CSNK1D: variants seen among roughly 807,000 people sequenced by gnomAD.
CSNK1D encodes the protein casein kinase 1 delta, also known as casein kinase I isoform delta.
CSNK1D carries 16 observed loss-of-function variants against 46.6 expected under a neutral mutation model. The observed-to-expected ratio is 0.34, with a 90% CI of 0.23 to 0.52. The LOEUF (loss-of-function observed/expected upper bound fraction) is 0.52. Among genes scored for constraint, CSNK1D ranks in the 20% least tolerant of loss-of-function variants. The pLI, the probability that CSNK1D is intolerant of heterozygous loss-of-function variation, is 0.95. For missense variants in CSNK1D, 398 were observed against 578.4 expected (o/e 0.69, Z 3.20); for synonymous variants, 276 against 228.2 (o/e 1.21, Z -1.89).
At position 82,248,948 on chromosome 17, in the gene CSNK1D, C is replaced by A; in HGVS notation, c.1124G>T (p.Arg375Leu). The part of the protein sequence containing the change: ...RERKVSMRLH[R>L]GAPVNISSSD... ...CGAGGAGATGTTGACGGGGGCCCCG[C>A]GGTGCAGCCGCATACTCACTTTCCG... The change falls in exon 8 of 9, where the codon CGC becomes CTC. Residue 375 changes from arginine (R) to leucine (L), a missense_variant. Physicochemically the swap from Arg to Leu is moderately radical, Grantham distance 102. This residue lies in a region of CSNK1D where 181 missense variants were observed against 208.0 expected (regional missense o/e 0.87). Transcript: ENST00000314028. This position sits in a 1 kb window ranked among gnomAD's most constrained non-coding sequence, Gnocchi z 4.1. 1 of 1,598,042 alleles carries A rather than the reference C, an allele frequency of 6.3e-7. No homozygotes were observed. The highest frequency in any genetic ancestry group is 8.5e-7 in the Non-Finnish European group (1 of 1,171,400).
In CSNK1D at chr17:82,252,392, C is replaced by A; in HGVS notation, c.736+42G>T. ...CGGCACACCCGACACATATGCAACC[C>A]CTGTGAGCAGCTCCGCTGAGAAGAG... is the stretch of plus-strand genomic sequence containing the variant. On this transcript the variant is annotated intron_variant, in intron 5 of 8. Transcript: ENST00000314028. The surrounding 1 kb of genome is among the most constrained non-coding windows in gnomAD (Gnocchi z 4.6). 3 of 1,611,274 alleles carry A rather than the reference C, an allele frequency of 1.9e-6. No individual in the cohort carries two copies. The highest frequency in any genetic ancestry group is 2.5e-6 in the Non-Finnish European group (3 of 1,177,658).
At position 82,249,815 on chromosome 17, in the gene CSNK1D, C is replaced by T; in HGVS notation, c.886-213G>A. 1 of 1,434,814 alleles carries T rather than the reference C, an allele frequency of 7.0e-7. No homozygotes were observed. Among genetic ancestry groups the T allele is most frequent in the Non-Finnish European group, 9.1e-7 (1 of 1,099,384 alleles). 88.9% of individuals were successfully genotyped at this position (1,434,814 alleles called of 1,614,324 possible). ...GAGCCAGGCCTCTCAGCTCCCCCAA[C>T]AATCGAAAAAACCCCACTCGCCATG... On this transcript the variant is annotated intron_variant, in intron 6 of 8. Coordinates refer to ENST00000314028, the MANE Select transcript of CSNK1D (RefSeq NM_001893.6). The surrounding 1 kb of genome is among the most constrained non-coding windows in gnomAD (Gnocchi z 6.7).
In CSNK1D at chr17:82,261,443, TGAAGACATGC is replaced by T. The variant is rs755272095; in HGVS notation, c.187+4233_187+4242del. Among the ~76,000 whole-genome samples, 796 of 152,252 alleles carry T rather than the reference TGAAGACATGC, an allele frequency of 5.2e-3. 3 individuals are homozygous for T. Among genetic ancestry groups the T allele is most frequent in the Middle Eastern group, 0.01 (3 of 294 alleles). On this transcript the variant is annotated intron_variant, in intron 2 of 8. Transcript: ENST00000314028. ...AATCGGGTGGACAAGGCCAGATACATGAAGACATGCTCCACTCTCATCTGTGAAAAGTTTC... is the reference window on the plus strand; with the variant it reads ...AATCGGGTGGACAAGGCCAGATACATTCCACTCTCATCTGTGAAAAGTTTC...
intron 2 of CSNK1D, among the ~76,000 whole-genome samples, chr17:82,259,179 CT>C (rs1298145426): frequency 6.6e-6 from 1 of 152,234 alleles, no homozygotes; most frequent in Non-Finnish European, 1.5e-5. Flanking sequence ...CAGATCTTAT[CT>C]GTCTTAAAAT....
Position 82,244,554 on chromosome 17 carries a change from A to G in CSNK1D, c.*227T>C. ...CTCTGCTTTTCTTCCCAGCCCCGTT[A>G]CAACCGAGTTCACGTGGGGGGCCGC... is the stretch of plus-strand genomic sequence containing the variant. On this transcript the variant is annotated 3_prime_UTR_variant, in exon 9 of 9. Coordinates refer to ENST00000314028, the MANE Select transcript of CSNK1D (RefSeq NM_001893.6). The G allele has an allele frequency of 6.8e-7, 1 of 1,476,148 alleles. No individual in the cohort carries two copies. The highest frequency in any genetic ancestry group is 9.0e-7 in the Non-Finnish European group (1 of 1,114,298). The allele number at this position is 1,476,148 out of a possible 1,614,324, so 91.4% of individuals were successfully genotyped here.
rs1360091604 is a variant in CSNK1D, at chr17:82,253,868, G to A, written c.337-624C>T. On this transcript the variant is annotated intron_variant, in intron 3 of 8. Transcript: ENST00000314028. Reference sequence around the variant, plus strand: ...CCTCGAGAAGCCAGTCAGCTGAGCCGCCGGAGCCTCGTGAAGCCAGTGAGC... The same window carrying A: ...CCTCGAGAAGCCAGTCAGCTGAGCCACCGGAGCCTCGTGAAGCCAGTGAGC... The A allele has an allele frequency of 6.4e-5, 16 of 250,930 alleles. No individual in the cohort carries two copies. In the East Asian group the frequency reaches 1.5e-3, roughly 23 times the overall value. 15.5% of individuals were successfully genotyped at this position (250,930 alleles called of 1,614,324 possible).
chr17:82,269,433 G>A (rs1375501016), intron 1 of CSNK1D, among the ~76,000 whole-genome samples: 2 of 152,188 alleles, frequency 1.3e-5, no homozygotes, highest in African/African-American at 2.4e-5. Flanking sequence ...TCTCATGGCT[G>A]GTCAGCATCT....
At chr17:82,266,250 AC>A (rs1398176122) in intron 1 of CSNK1D, among the ~76,000 whole-genome samples, 1 of 152,058 alleles carries the variant, frequency 6.6e-6, no homozygotes, top group Non-Finnish European at 1.5e-5. Flanking sequence ...CTAGGTTTTT[AC>A]CCAATAGCCA....
chr17:82,247,841 G>A (rs886119971), intron 8 of CSNK1D: 2 of 985,294 alleles, frequency 2.0e-6, no homozygotes, highest in Non-Finnish European at 2.4e-6. Flanking sequence ...TTGGGAAGAA[G>A]TTATACAAAA....
rs1166859489 is a variant in CSNK1D at position 82,249,971 on chromosome 17, C to T, written c.886-369G>A. ...GACAGGAACCATCGGAGGCCAAAGA[C>T]AGGCCCCAAATGGTGACAGCTGGGG... On this transcript the variant is annotated intron_variant, in intron 6 of 8. Coordinates refer to ENST00000314028, the MANE Select transcript of CSNK1D (RefSeq NM_001893.6). This position sits in a 1 kb window ranked among gnomAD's most constrained non-coding sequence, Gnocchi z 6.7. 5.6e-6 allele frequency: 7 copies of T among 1,240,478 alleles called. No homozygotes were observed. The highest frequency in any genetic ancestry group is 3.1e-5 in the African/African-American group (2 of 64,420). 76.8% of individuals were successfully genotyped at this position (1,240,478 alleles called of 1,614,324 possible).
At chr17:82,258,522 T>C (rs915505793) in intron 2 of CSNK1D, among the ~76,000 whole-genome samples, 17 of 152,122 alleles carry the variant, frequency 1.1e-4, no homozygotes, top group African/African-American at 4.1e-4. Flanking sequence ...CTCAACCTTA[T>C]TACGGATTTG....
chr17:82,250,322 GAC>G lies in CSNK1D; in HGVS notation c.886-722_886-721del. ...ACGTTCACCAGGCAACACACAGACC[GAC>G]ACACCTGCGGCTGCAGCACCGTGCG... On this transcript the variant is annotated intron_variant, in intron 6 of 8. Coordinates refer to ENST00000314028, the MANE Select transcript of CSNK1D (RefSeq NM_001893.6). This position sits in a 1 kb window ranked among gnomAD's most constrained non-coding sequence, Gnocchi z 4.6. 1.5e-6 allele frequency: 1 copy of G among 680,088 alleles called. No individual in the cohort carries two copies. Among genetic ancestry groups the G allele is most frequent in the Non-Finnish European group, 2.3e-6 (1 of 443,548 alleles). The allele number at this position is 680,088 out of a possible 1,614,324, so 42.1% of individuals were successfully genotyped here.
At position 82,243,682 on chromosome 17, in the gene CSNK1D, G is replaced by A; in HGVS notation, c.*1099C>T. ...CTGGCCTGCCGGCTTTTCTGAGCTA[G>A]TCTTGGCACGTGGCAAGGACAGCCC... On this transcript the variant is annotated 3_prime_UTR_variant, in exon 9 of 9. Transcript: ENST00000314028. 1.0e-6 allele frequency: 1 copy of A among 985,488 alleles called. No homozygotes were observed. 61.0% of individuals were successfully genotyped at this position (985,488 alleles called of 1,614,324 possible). A position where few individuals can be genotyped will look rare whatever the true frequency, so the allele number is the denominator to read the frequency against.
chr17:82,241,871 G>C (rs547331402), downstream of CSNK1D, among the ~76,000 whole-genome samples: 1 of 152,242 alleles, frequency 6.6e-6, no homozygotes, highest in African/African-American at 2.4e-5. Flanking sequence ...GTGCATCACA[G>C]GCAGAGTTGG....
In CSNK1D at chr17:82,248,912, G is replaced by A; in HGVS notation, c.1160C>T (p.Thr387Ile). The A allele has an allele frequency of 6.2e-7, 1 of 1,609,862 alleles. No homozygotes were observed. Residue 387 changes from threonine (T) to isoleucine (I), a missense_variant, in exon 8 of 9, where the codon ACA (threonine) becomes ATA (isoleucine). Around this residue, in one of 2 missense-constraint regions of CSNK1D, gnomAD observed 181 missense variants for 208.0 expected, o/e 0.87. Coordinates refer to ENST00000314028, the MANE Select transcript of CSNK1D (RefSeq NM_001893.6). The surrounding 1 kb of genome is among the most constrained non-coding windows in gnomAD (Gnocchi z 4.1). The stretch of plus-strand genomic sequence containing the variant: ...CATGCGAGAGGTATCTTGTCGGCCT[G>A]TGAGGTCGGACGAGGAGATGTTGAC... ...APVNISSSDL[T>I]GRQDTSRMST...
In CSNK1D at chr17:82,273,671, T is replaced by C. The variant is rs897760140; in HGVS notation, c.-290A>G. The C allele has an allele frequency of 3.9e-6, 2 of 512,572 alleles. No individual in the cohort carries two copies. Among genetic ancestry groups the C allele is most frequent in the Admixed American group, 4.1e-5 (1 of 24,646 alleles). The allele number at this position is 512,572 out of a possible 1,614,324, so 31.8% of individuals were successfully genotyped here. A position where few individuals can be genotyped will look rare whatever the true frequency, so the allele number is the denominator to read the frequency against. On this transcript the variant is annotated 5_prime_UTR_variant, in exon 1 of 9. Coordinates refer to ENST00000314028, the MANE Select transcript of CSNK1D (RefSeq NM_001893.6). This position sits in a 1 kb window ranked among gnomAD's most constrained non-coding sequence, Gnocchi z 5.1. ...TTCCGGGCCTAAATCCCCTTTCAGC[T>C]GCCTAAAGGAGCCGCCGCCATCGCG...
In CSNK1D at chr17:82,250,129, T is replaced by A. The variant is rs1369666018; in HGVS notation, c.886-527A>T. Reference sequence around the variant, plus strand: ...GCCGGCAGCCGGATCTGTGCTGCACTATCCAGATGCACGGGGGTGGGGAGG... The same window carrying A: ...GCCGGCAGCCGGATCTGTGCTGCACAATCCAGATGCACGGGGGTGGGGAGG... On this transcript the variant is annotated intron_variant, in intron 6 of 8. Transcript: ENST00000314028. The surrounding 1 kb of genome is among the most constrained non-coding windows in gnomAD (Gnocchi z 4.6). The A allele has an allele frequency of 1.5e-6, 2 of 1,290,526 alleles. No homozygotes were observed. Among genetic ancestry groups the A allele is most frequent in the African/African-American group, 3.0e-5 (2 of 66,006 alleles). The allele number at this position is 1,290,526 out of a possible 1,614,324, so 79.9% of individuals were successfully genotyped here.
intron 1 of CSNK1D, among the ~76,000 whole-genome samples, chr17:82,269,470 C>T: frequency 6.6e-6 from 1 of 152,190 alleles, no homozygotes; most frequent in East Asian, 1.9e-4. Flanking sequence ...ACCAGGCACC[C>T]TGCAGGCTGC....
chr17:82,273,503 C>CCGCTTTCACCAT lies in CSNK1D; in HGVS notation c.-134_-123dup. ...TCCCGGCTCCGCCCCCCTCACGGCC[C>CCGCTTTCACCAT]CGCTTTCACCATCGCTTTCCTGTCG... On this transcript the variant is annotated 5_prime_UTR_variant, in exon 1 of 9. It adds an upstream start codon to the 5' untranslated region. Coordinates refer to ENST00000314028, the MANE Select transcript of CSNK1D (RefSeq NM_001893.6). The surrounding 1 kb of genome is among the most constrained non-coding windows in gnomAD (Gnocchi z 5.1). The CCGCTTTCACCAT allele has an allele frequency of 5.0e-6, 6 of 1,198,522 alleles. No homozygotes were observed. Among genetic ancestry groups the CCGCTTTCACCAT allele is most frequent in the Middle Eastern group, 2.6e-4 (1 of 3,826 alleles). 74.2% of individuals were successfully genotyped at this position (1,198,522 alleles called of 1,614,324 possible).
Sources: allele counts gnomAD v4.1 joint callset (sites outside exome capture counted in the v4.1 genomes callset), GRCh38; gene constraint gnomAD v4.1.1; regional missense constraint gnomAD v4.1.1; non-coding constraint Gnocchi (gnomAD v3.1); transcripts MANE v1.5; gene names NCBI Gene and HGNC (gene_info 2026-07-23, HGNC 2026-07-21).